TGM4: variants seen among roughly 807,000 people sequenced by gnomAD.
The protein encoded by TGM4 is transglutaminase 4.
A neutral mutation model predicts 76.3 loss-of-function variants in TGM4; 61 were observed. That is an observed-to-expected ratio of 0.80 (90% confidence interval 0.65 to 0.99). TGM4 has a LOEUF of 0.99. Ranked by LOEUF, TGM4 falls within the 50% of genes least tolerant of loss-of-function variation. TGM4 has a pLI of 0.00. For synonymous variants in TGM4, 337 were observed against 329.8 expected (o/e 1.02, Z -0.24); for missense variants, 794 against 843.2 (o/e 0.94, Z 0.72).
intron 1 of TGM4, among the ~76,000 whole-genome samples, chr3:44,883,557 C>T (rs1439164820): frequency 6.6e-6 from 1 of 152,222 alleles, no homozygotes; most frequent in Non-Finnish European, 1.5e-5. Context: ...GGCTAAGATG[C>T]TCCAGCTAGC....
Position 44,914,330 on chromosome 3 carries a change from C to CTG in TGM4, c.*605_*606insTG, listed in dbSNP as rs1424370491. ...AGGGCCATGTGGTTTTGCAGACAACCCTGTCCTCAGGCCTGAACTCACCAT... is the reference window on the plus strand; with the variant it reads ...AGGGCCATGTGGTTTTGCAGACAACCTGCTGTCCTCAGGCCTGAACTCACCAT... On this transcript the variant is annotated 3_prime_UTR_variant, in exon 14 of 14. Coordinates refer to ENST00000296125, the MANE Select transcript of TGM4 (RefSeq NM_003241.4). 88 of 153,092 alleles carry CTG rather than the reference C, an allele frequency of 5.7e-4. No homozygotes were observed. Among genetic ancestry groups the CTG allele is most frequent in the African/African-American group, 2.0e-3 (84 of 41,492 alleles). The allele number at this position is 153,092 out of a possible 1,614,324, so 9.5% of individuals were successfully genotyped here.
chr3:44,879,287 A>ATATATATATT (rs71092343), intron 1 of TGM4, among the ~76,000 whole-genome samples: 1 of 124,900 alleles, frequency 8.0e-6, no homozygotes, highest in Non-Finnish European at 1.7e-5. Context: ...ATATATATAT[A>ATATATATATT]GTTTATTTAA....
chr3:44,882,983 T>G (rs887442528), intron 1 of TGM4, among the ~76,000 whole-genome samples: 5 of 152,166 alleles, frequency 3.3e-5, no homozygotes, highest in African/African-American at 1.2e-4. Context: ...CATTTAGGAT[T>G]TGGATTTCTT....
intron 1 of TGM4, among the ~76,000 whole-genome samples, chr3:44,878,444 TTTGTTTTATTA>T (rs569789471): frequency 6.2e-5 from 2 of 32,284 alleles, no homozygotes; most frequent in Non-Finnish European, 1.2e-4. Context: ...ATTTATTACT[TTTGTTTTATTA>T]TTATTATTAT....
At chr3:44,884,780 G>A (rs766950575) in intron 1 of TGM4, among the ~76,000 whole-genome samples, 21 of 152,220 alleles carry the variant, frequency 1.4e-4, no homozygotes, top group Non-Finnish European at 2.5e-4. Flanking sequence ...CTCACCTCAG[G>A]ATGGTGTCTG....
intron 5 of TGM4, 150 bp from the exon 6 acceptor site, chr3:44,896,559 C>T: frequency 1.6e-6 from 1 of 638,792 alleles, no homozygotes; most frequent in Non-Finnish European, 2.8e-6. Flanking sequence ...TTCTAATTTT[C>T]AGTGCTGTGG....
rs769720706 is a variant in TGM4, at chr3:44,903,913, T to C, written c.1001T>C (p.Met334Thr). Residue 334 changes from methionine (M) to threonine (T), a missense_variant, in exon 9 of 14, where the codon ATG becomes ACG. Met to Thr is a moderately conservative substitution (Grantham distance 81). Transcript: ENST00000296125. The stretch of plus-strand genomic sequence containing the variant: ...TTCCATGTGTGGACGGATGCCTGGA[T>C]GAAGCGACCGGATCTGCCCAAGGGC... The part of the protein sequence containing the change: ...WNFHVWTDAW[M>T]KRPDLPKGYD... 5.0e-6 allele frequency: 8 copies of C among 1,614,204 alleles called. No homozygotes were observed. The highest frequency in any genetic ancestry group is 5.1e-6 in the Non-Finnish European group (6 of 1,180,038).
intron 1 of TGM4, among the ~76,000 whole-genome samples, chr3:44,878,434 A>G (rs1258622631): frequency 1.4e-5 from 2 of 146,128 alleles, no homozygotes; most frequent in Admixed American, 1.4e-4. Context: ...TGTAATGGGC[A>G]TTTATTACTT....
intron 1 of TGM4, among the ~76,000 whole-genome samples, chr3:44,875,277 G>A (rs980169768): frequency 6.6e-6 from 1 of 152,062 alleles, no homozygotes; most frequent in African/African-American, 2.4e-5. Context: ...GTGCCTCTTC[G>A]GTCTCCTTTG....
chr3:44,911,098 T>A lies in TGM4; in HGVS notation c.1747T>A (p.Ser583Thr), dbSNP rs765770279. ...AATCATGGCCTCTGAAGTATTCACGTCTTTCCAGTACCCTGAGTTCTCTAT... is the reference window on the plus strand; with the variant it reads ...AATCATGGCCTCTGAAGTATTCACGACTTTCCAGTACCCTGAGTTCTCTAT... The part of the protein sequence containing the change: ...KEIMASEVFT[S>T]FQYPEFSIEL... Residue 583 changes from serine to threonine, a missense_variant, in exon 12 of 14, where the codon TCT becomes ACT. Coordinates refer to ENST00000296125, the MANE Select transcript of TGM4 (RefSeq NM_003241.4). The A allele has an allele frequency of 4.3e-6, 7 of 1,614,056 alleles. No homozygotes were observed. The highest frequency in any genetic ancestry group is 5.9e-6 in the Non-Finnish European group (7 of 1,180,040).
Position 44,896,794 on chromosome 3 carries a change from T to G in TGM4, c.635T>G (p.Val212Gly). 6.2e-7 allele frequency: 1 copy of G among 1,614,170 alleles called. No homozygotes were observed. The highest frequency in any genetic ancestry group is 8.5e-7 in the Non-Finnish European group (1 of 1,180,020). ...KPTDRRDPVL[V>G]CRAMCAMMSF... ...ACAGATAGGAGGGACCCCGTGCTGGTGTGCAGGGCCATGTGTGCTATGGTA... is the reference window on the plus strand; with the variant it reads ...ACAGATAGGAGGGACCCCGTGCTGGGGTGCAGGGCCATGTGTGCTATGGTA... Residue 212 changes from valine to glycine, a missense_variant, in exon 6 of 14, where the codon GTG becomes GGG. By Grantham distance (109) the Val-to-Gly change is moderately radical. Transcript: ENST00000296125.
Position 44,885,452 on chromosome 3 carries a change from C to G in TGM4, c.147C>G (p.Asn49Lys). The G allele has an allele frequency of 6.2e-7, 1 of 1,613,084 alleles. No homozygotes were observed. The highest frequency in any genetic ancestry group is 8.5e-7 in the Non-Finnish European group (1 of 1,179,840). The change falls in exon 2 of 14, where the codon AAC (asparagine) becomes AAG (lysine). Residue 49 changes from asparagine to lysine, a missense_variant. Physicochemically the swap from Asn to Lys is moderately conservative, Grantham distance 94. Coordinates refer to ENST00000296125, the MANE Select transcript of TGM4 (RefSeq NM_003241.4). ...TGTTTCACCTGCGGCTGGTGCTGAA[C>G]CAGCCCCTACAATCCTACCACCAAC... The part of the protein sequence containing the change: ...GQVFHLRLVL[N>K]QPLQSYHQLK...
At chr3:44,879,261 C>CTATA (rs1185276628) in intron 1 of TGM4, among the ~76,000 whole-genome samples, 4,333 of 92,528 alleles carry the variant, frequency 0.047, 104 homozygotes, top group Non-Finnish European at 0.074. Flanking sequence ...CTCTCTCTCT[C>CTATA]TCTCTATATA....
intron 10 of TGM4, among the ~76,000 whole-genome samples, chr3:44,908,763 A>C (rs1699961393): frequency 1.3e-5 from 2 of 152,046 alleles, no homozygotes; most frequent in Non-Finnish European, 2.9e-5. Context: ...TATTCAAAAT[A>C]GCTAATTTAA....
At chr3:44,879,265 C>CTATATATATATA (rs57611128) in intron 1 of TGM4, among the ~76,000 whole-genome samples, 14 of 92,266 alleles carry the variant, frequency 1.5e-4, no homozygotes, top group African/African-American at 4.0e-4. Flanking sequence ...CTCTCTCTCT[C>CTATATATATATA]TATATATATA....
intron 13 of TGM4, among the ~76,000 whole-genome samples, chr3:44,912,214 T>C (rs879180410): frequency 2.6e-5 from 4 of 152,258 alleles, no homozygotes; most frequent in Non-Finnish European, 5.9e-5. Flanking sequence ...TTTTCAATCT[T>C]TTCCTTTACG....
chr3:44,882,974 A>G (rs1699553670), intron 1 of TGM4, among the ~76,000 whole-genome samples: 1 of 152,198 alleles, frequency 6.6e-6, no homozygotes, highest in African/African-American at 2.4e-5. Context: ...AGATGACTGC[A>G]TTTAGGATTT....
At chr3:44,892,666 C>A (rs960575165) in intron 4 of TGM4, among the ~76,000 whole-genome samples, 17 of 152,302 alleles carry the variant, frequency 1.1e-4, no homozygotes, top group Admixed American at 4.6e-4. Context: ...GCACCGCACC[C>A]AGCCGGTCAC....
intron 4 of TGM4, 84 bp downstream of exon 4, chr3:44,890,816 T>C (rs937836): frequency 6.5e-7 from 1 of 1,531,754 alleles, no homozygotes; most frequent in Non-Finnish European, 8.9e-7. Flanking sequence ...TATGAGCTTT[T>C]GTTTGCTCTC....
Sources: gnomAD v4.1 joint callset for allele counts (sites outside exome capture counted in the v4.1 genomes callset) on GRCh38, gnomAD v4.1.1 for gene constraint, MANE v1.5 for transcripts, NCBI Gene and HGNC (gene_info 2026-07-23, HGNC 2026-07-21) for gene names.